Variants in TANC2 observed in about 807,000 individuals in gnomAD.
The protein encoded by TANC2 is protein TANC2.
In TANC2, 26 loss-of-function variants were observed where a neutral mutation model predicts 210.5. The ratio of observed to expected loss-of-function variants is 0.12; its 90% confidence interval spans 0.09 to 0.17. The LOEUF (loss-of-function observed/expected upper bound fraction) is 0.17. Among genes scored for constraint, TANC2 ranks in the 10% least tolerant of loss-of-function variants. TANC2 has a pLI of 1.00. For missense variants in TANC2, 2,129 were observed against 2,608.9 expected, an observed-to-expected ratio of 0.82 and a Z score of 4.01; for synonymous variants, 931 against 967.1, an observed-to-expected ratio of 0.96 and a Z score of 0.69.
intron 9 of TANC2, among the ~76,000 whole-genome samples, chr17:63,303,109 A>G (rs2044776587): frequency 6.6e-6 from 1 of 152,138 alleles, no homozygotes; most frequent in Non-Finnish European, 1.5e-5. Context: ...ATTTAAGGTT[A>G]ATACTGTTAT....
intron 7 of TANC2, among the ~76,000 whole-genome samples, chr17:63,237,607 G>A (rs2042656041): frequency 6.6e-6 from 1 of 152,056 alleles, no homozygotes; most frequent in Admixed American, 6.6e-5. Context: ...TTAGGATTAA[G>A]TCTTTAGTGT....
At chr17:63,150,781 G>T (rs2039622703) in intron 4 of TANC2, 2 of 152,028 alleles carry the variant, frequency 1.3e-5, no homozygotes, top group South Asian at 4.1e-4. Flanking sequence ...GTTATTTCTG[G>T]ATAACAAAAA....
chr17:63,395,537 A>T (rs536256542), intron 17 of TANC2, among the ~76,000 whole-genome samples: 3 of 152,304 alleles, frequency 2.0e-5, no homozygotes, highest in Admixed American at 2.0e-4. Context: ...GAGGAAAAGA[A>T]GTTCTTCCCA....
At chr17:63,289,935 G>T (rs1361418125) in intron 9 of TANC2, among the ~76,000 whole-genome samples, 1 of 148,804 alleles carries the variant, frequency 6.7e-6, no homozygotes, top group African/African-American at 2.6e-5. Flanking sequence ...CTCAGGTATT[G>T]TTTTCCTTCC....
chr17:63,185,423 G>T (rs907469834), intron 5 of TANC2, among the ~76,000 whole-genome samples: 2 of 152,138 alleles, frequency 1.3e-5, no homozygotes, highest in African/African-American at 4.8e-5. Flanking sequence ...GGGCTATGAT[G>T]AACAGTTTTA....
chr17:63,273,392 A>C (rs866376298), intron 9 of TANC2, among the ~76,000 whole-genome samples: 1 of 152,190 alleles, frequency 6.6e-6, no homozygotes, highest in Non-Finnish European at 1.5e-5. Context: ...GTTTAAAATA[A>C]TGTTTTAAAA....
At chr17:63,157,502 A>G (rs2145448390) in intron 5 of TANC2, among the ~76,000 whole-genome samples, 1 of 152,262 alleles carries the variant, frequency 6.6e-6, no homozygotes, top group African/African-American at 2.4e-5. Flanking sequence ...TCTGGTTTAG[A>G]GTAAAATGCC....
chr17:63,177,402 T>C (rs929251539), intron 5 of TANC2, among the ~76,000 whole-genome samples: 3 of 151,476 alleles, frequency 2.0e-5, no homozygotes, highest in Non-Finnish European at 4.4e-5. Context: ...TGGAATAAGA[T>C]AGCAACTAGA....
chr17:63,107,084 A>G (rs1185957870), intron 4 of TANC2, among the ~76,000 whole-genome samples: 1 of 151,630 alleles, frequency 6.6e-6, no homozygotes, highest in African/African-American at 2.4e-5. Context: ...CATTTCTGTC[A>G]GGTTAGATGA....
intron 12 of TANC2, among the ~76,000 whole-genome samples, chr17:63,344,463 T>C (rs1357780244): frequency 1.3e-5 from 2 of 152,096 alleles, no homozygotes; most frequent in Admixed American, 1.3e-4. Context: ...TCACCACTTA[T>C]ATTCATCATT....
chr17:63,424,814 AAAAAG>A (rs1488079304), exon 28 of TANC2: 4 of 152,194 alleles, frequency 2.6e-5, no homozygotes, highest in African/African-American at 7.2e-5. Context: ...TTTTTCAAGA[AAAAAG>A]GAAAGGAAAG....
chr17:63,411,915 G>C, intron 22 of TANC2, 83 bp from the exon 23 acceptor site: 1 of 1,566,038 alleles, frequency 6.4e-7, no homozygotes, highest in South Asian at 1.2e-5. Flanking sequence ...GTTGAAAAAG[G>C]GCAGGCAGCA....
At position 63,397,508 on chromosome 17, in the gene TANC2, G is replaced by A. The variant is rs544991755; in HGVS notation, c.3238-1313G>A. Among the ~76,000 whole-genome samples the A allele has an allele frequency of 8.5e-5, 13 of 152,170 alleles. 1 individual carries two copies. The South Asian group carries it at 2.5e-3, about 29-fold the overall frequency. On this transcript the variant is annotated intron_variant, in intron 18 of 27. Coordinates refer to ENST00000689528, the Ensembl canonical transcript of TANC2. The stretch of plus-strand genomic sequence containing the variant: ...GTGATCTACTGTTAAACTACTTCTC[G>A]TCCACATACGAACTATATTCATTGA...
intron 5 of TANC2, among the ~76,000 whole-genome samples, chr17:63,168,820 T>C (rs1343226324): frequency 1.3e-5 from 2 of 152,208 alleles, no homozygotes; most frequent in African/African-American, 4.8e-5. Flanking sequence ...GTTACTCACT[T>C]ACTGTTAAAA....
chr17:63,189,121 T>C (rs2041100749), intron 5 of TANC2, among the ~76,000 whole-genome samples: 2 of 152,360 alleles, frequency 1.3e-5, no homozygotes, highest in South Asian at 4.1e-4. Flanking sequence ...TTCTTTTTTT[T>C]TCATGGCCAA....
Position 63,420,742 on chromosome 17 carries a change from G to A in TANC2, c.5012G>A (p.Arg1671Gln), listed in dbSNP as rs775205713. 21 of 1,613,860 alleles carry A rather than the reference G, an allele frequency of 1.3e-5. No homozygotes were observed. The East Asian group carries it at 2.2e-4, about 17-fold the overall frequency. The change falls in exon 28 of 28, where the codon CGG (arginine) becomes CAG (glutamine). Residue 1671 changes from arginine to glutamine, a missense_variant. Arg to Gln is a conservative substitution (Grantham distance 43). Transcript: ENST00000689528. This position sits in a 1 kb window ranked among gnomAD's most constrained non-coding sequence, Gnocchi z 4.2. ...TCTCCATTATCCAAAATGGCCCAGC[G>A]GCCCTACCAGATGCCTCAGCTCCCT...
intron 14 of TANC2, among the ~76,000 whole-genome samples, chr17:63,365,477 C>T (rs977119432): frequency 6.6e-6 from 1 of 152,188 alleles, no homozygotes; most frequent in Non-Finnish European, 1.5e-5. Flanking sequence ...CATTCTCCAC[C>T]AGCAGCCAGA....
intron 1 of TANC2, among the ~76,000 whole-genome samples, chr17:62,991,992 A>G (rs1046496089): frequency 6.6e-6 from 1 of 152,204 alleles, no homozygotes; most frequent in Non-Finnish European, 1.5e-5. Context: ...ATGGATCAAA[A>G]ATATTAAAAA....
At chr17:63,180,336 C>T (rs1339240536) in intron 5 of TANC2, among the ~76,000 whole-genome samples, 3 of 152,112 alleles carry the variant, frequency 2.0e-5, no homozygotes, top group South Asian at 2.1e-4. Context: ...TCTTTTTTAT[C>T]AAGTTTCCCT....
Sources: gnomAD v4.1 joint callset for allele counts (sites outside exome capture counted in the v4.1 genomes callset) on GRCh38, gnomAD v4.1.1 for gene constraint, Gnocchi (gnomAD v3.1) non-coding constraint, MANE v1.5 for transcripts, NCBI Gene and HGNC (gene_info 2026-07-23, HGNC 2026-07-21) for gene names.